Variants in RNF144A observed in about 807,000 individuals in gnomAD.
The protein encoded by RNF144A is E3 ubiquitin-protein ligase RNF144A.
A neutral mutation model predicts 38.7 loss-of-function variants in RNF144A; 11 were observed. That is an observed-to-expected ratio of 0.28 (90% CI 0.18 to 0.47). The LOEUF (loss-of-function observed/expected upper bound fraction) is 0.47, where lower values mean the gene tolerates loss of function less well. RNF144A is among the 20% of genes least tolerant of loss of function. The pLI is 0.99. For synonymous variants in RNF144A, 149 were observed against 143.9 expected, an observed-to-expected ratio of 1.04 and a Z score of -0.25; for missense variants, 316 against 377.2, an observed-to-expected ratio of 0.84 and a Z score of 1.34.
chr2:7,004,137 G>A (rs549508776), intron 3 of RNF144A, among the ~76,000 whole-genome samples: 31 of 152,334 alleles, frequency 2.0e-4, no homozygotes, highest in Admixed American at 8.5e-4. Context: ...CTGCCTTTGC[G>A]TGTGCACTCA....
intron 2 of RNF144A, among the ~76,000 whole-genome samples, chr2:6,980,114 G>T (rs551908681): frequency 6.6e-6 from 1 of 152,202 alleles, no homozygotes; most frequent in Admixed American, 6.5e-5. Context: ...CCTCCTACTG[G>T]GTCTGTTGTC....
chr2:7,059,708 A>T (rs1445209645), intron 6 of RNF144A, among the ~76,000 whole-genome samples: 4 of 152,108 alleles, frequency 2.6e-5, no homozygotes, highest in Non-Finnish European at 5.9e-5. Flanking sequence ...AGAAATCTCA[A>T]TAAACTCTAA....
rs367622732 is a variant in RNF144A at position 7,065,993 on chromosome 2, G to T, written c.735-2223G>T. Among the ~76,000 whole-genome samples the T allele has an allele frequency of 6.6e-5, 10 of 152,266 alleles. No homozygotes were observed. In the East Asian group the frequency reaches 1.2e-3, roughly 18 times the overall value. ...ATTACACGGGACTGAATGAACTGATGAGGACAATATTTTAGTGACTTTTTG... is the reference window on the plus strand; with the variant it reads ...ATTACACGGGACTGAATGAACTGATTAGGACAATATTTTAGTGACTTTTTG... On this transcript the variant is annotated intron_variant, in intron 6 of 6. Coordinates refer to the RNF144A transcript ENST00000432850.
At chr2:6,991,739 G>C (rs1669392989) in intron 2 of RNF144A, among the ~76,000 whole-genome samples, 1 of 152,030 alleles carries the variant, frequency 6.6e-6, no homozygotes, top group East Asian at 1.9e-4. Flanking sequence ...AATGTCTGAT[G>C]TACATTTAAC....
At chr2:6,926,423 C>T (rs879268195) in intron 1 of RNF144A, among the ~76,000 whole-genome samples, 14 of 152,208 alleles carry the variant, frequency 9.2e-5, no homozygotes, top group South Asian at 4.1e-4. Context: ...AGAACTGCCC[C>T]GTGCAGGGGT....
intron 2 of RNF144A, among the ~76,000 whole-genome samples, chr2:6,971,849 C>A (rs1357059150): frequency 6.6e-6 from 1 of 152,180 alleles, no homozygotes; most frequent in Non-Finnish European, 1.5e-5. Context: ...GGATATTTCT[C>A]TACTGTGGGA....
At chr2:7,006,863 A>G (rs979288898) in intron 3 of RNF144A, among the ~76,000 whole-genome samples, 1 of 152,188 alleles carries the variant, frequency 6.6e-6, no homozygotes, top group African/African-American at 2.4e-5. Context: ...GCATGGGCCT[A>G]TACCTTGAAG....
chr2:6,926,393 G>A (rs1664868568), intron 1 of RNF144A, among the ~76,000 whole-genome samples: 1 of 152,246 alleles, frequency 6.6e-6, no homozygotes, highest in Non-Finnish European at 1.5e-5. Context: ...CTGGAGGACT[G>A]GACTGGTAAC....
intron 7 of RNF144A, among the ~76,000 whole-genome samples, chr2:7,025,414 C>A (rs1273129707): frequency 6.6e-6 from 1 of 152,178 alleles, no homozygotes; most frequent in Non-Finnish European, 1.5e-5. Flanking sequence ...TGGCTCACGC[C>A]TATATTCCCA....
At chr2:7,048,060 C>T (rs16865880), downstream of RNF144A, among the ~76,000 whole-genome samples, 2,300 of 152,232 alleles carry the variant, frequency 0.015, 59 homozygotes, top group African/African-American at 0.053. Context: ...TAGTTTAAAT[C>T]CTGCATCTGA....
intron 2 of RNF144A, among the ~76,000 whole-genome samples, chr2:6,942,521 C>G (rs926061737): frequency 3.9e-5 from 6 of 152,218 alleles, no homozygotes; most frequent in Non-Finnish European, 5.9e-5. Context: ...TGGCCACATT[C>G]TGGATAGTCT....
At position 6,958,154 on chromosome 2, in the gene RNF144A, G is replaced by A. The variant is rs369650215; in HGVS notation, c.-12+17007G>A. Among the ~76,000 whole-genome samples, 30 of 152,322 alleles carry A rather than the reference G, an allele frequency of 2.0e-4. No homozygotes were observed. The highest frequency in any genetic ancestry group is 6.5e-4 in the African/African-American group (27 of 41,570). ...TCATGCGCAGCCACCATGGGGCACC[G>A]GGCGTGCTGTCTCTTCCTGGAAGGT... On this transcript the variant is annotated intron_variant, in intron 2 of 8. Transcript: ENST00000320892. The surrounding 1 kb of genome is among the most constrained non-coding windows in gnomAD (Gnocchi z 4.5).
intron 2 of RNF144A, among the ~76,000 whole-genome samples, chr2:6,945,180 C>A (rs2103304409): frequency 6.6e-6 from 1 of 152,338 alleles, no homozygotes; most frequent in African/African-American, 2.4e-5. Flanking sequence ...GCCTTTAGGG[C>A]AAAGGTCATT....
intron 2 of RNF144A, among the ~76,000 whole-genome samples, chr2:6,981,297 A>G (rs1352570529): frequency 6.6e-6 from 1 of 150,530 alleles, no homozygotes; most frequent in Non-Finnish European, 1.5e-5. Flanking sequence ...TTTTTACTAC[A>G]TGGTCAGGCT....
intron 1 of RNF144A, among the ~76,000 whole-genome samples, chr2:6,928,452 T>C (rs1572199691): frequency 6.6e-6 from 1 of 152,308 alleles, no homozygotes; most frequent in East Asian, 1.9e-4. Context: ...TGATTCCCAG[T>C]GAAGACTGGT....
At chr2:6,929,534 T>C (rs1325473434) in intron 1 of RNF144A, among the ~76,000 whole-genome samples, 1 of 152,212 alleles carries the variant, frequency 6.6e-6, no homozygotes, top group Non-Finnish European at 1.5e-5. Context: ...ATTGGGATCC[T>C]GCCTGAAGGT....
At chr2:6,998,872 C>G (rs555804711) in intron 3 of RNF144A, among the ~76,000 whole-genome samples, 64 of 152,054 alleles carry the variant, frequency 4.2e-4, no homozygotes, top group Non-Finnish European at 7.9e-4. Flanking sequence ...AATGGCTCCC[C>G]CTCTGCCAAA....
chr2:7,000,588 T>A (rs554128535), intron 3 of RNF144A, among the ~76,000 whole-genome samples: 74 of 152,286 alleles, frequency 4.9e-4, no homozygotes, highest in African/African-American at 1.8e-3. Context: ...TAATATGGTG[T>A]TACTGCTGGC....
intron 2 of RNF144A, among the ~76,000 whole-genome samples, chr2:6,969,517 A>G (rs1426999974): frequency 6.6e-6 from 1 of 152,164 alleles, no homozygotes; most frequent in Non-Finnish European, 1.5e-5. Flanking sequence ...AGTGTGAGAA[A>G]ATACATTTCT....
Sources: allele counts gnomAD v4.1 joint callset (sites outside exome capture counted in the v4.1 genomes callset), GRCh38; gene constraint gnomAD v4.1.1; non-coding constraint Gnocchi (gnomAD v3.1); transcripts MANE v1.5; gene names NCBI Gene and HGNC (gene_info 2026-07-23, HGNC 2026-07-21).